Variants in TFB2M observed in about 807,000 individuals in gnomAD.
TFB2M encodes the protein dimethyladenosine transferase 2, mitochondrial.
TFB2M carries 44 observed loss-of-function variants against 41.3 expected under a neutral mutation model. The ratio of observed to expected loss-of-function variants is 1.07; its 90% confidence interval spans 0.84 to 1.37. TFB2M has a LOEUF of 1.37. Among genes scored for constraint, TFB2M ranks in the 40% most tolerant of loss-of-function variants. TFB2M has a pLI of 0.00. For missense variants in TFB2M, 496 were observed against 490.2 expected, an observed-to-expected ratio of 1.01 and a Z score of -0.11; for synonymous variants, 188 against 176.8, an observed-to-expected ratio of 1.06 and a Z score of -0.50.
In TFB2M at chr1:246,545,418, G is replaced by A. The variant is rs576387345; in HGVS notation, c.859-737C>T. Among the ~76,000 whole-genome samples the A allele has an allele frequency of 4.6e-5, 7 of 151,536 alleles. No individual in the cohort carries two copies. In the South Asian group the frequency reaches 1.0e-3, roughly 23 times the overall value. On this transcript the variant is annotated intron_variant, in intron 6 of 7. Transcript: ENST00000366514. ...TGTGTGCCTGTAGTCCCAGCTACTC[G>A]GGAGGCTGAGGTGGGAGGATGGCTT...
At position 246,541,042 on chromosome 1, in the gene TFB2M, C is replaced by G. The variant is rs1302458107; in HGVS notation, c.1180G>C (p.Glu394Gln). 6 of 1,610,826 alleles carry G rather than the reference C, an allele frequency of 3.7e-6. No homozygotes were observed. The highest frequency in any genetic ancestry group is 5.1e-6 in the Non-Finnish European group (6 of 1,178,396). The change falls in exon 8 of 8, where the codon GAA (glutamate) becomes CAA (glutamine). Residue 394 changes from glutamate (E) to glutamine (Q), a missense_variant. Glu to Gln is a conservative substitution (Grantham distance 29, BLOSUM62 2). Coordinates refer to ENST00000366514, the MANE Select transcript of TFB2M (RefSeq NM_022366.3). ...CGACAGTCTAGTTGCTACCTATCTT[C>G]CAGGGTTTCATCATACAGCCATTTA... The part of the protein sequence containing the change: ...AYKWLYDETL[E>Q]DR
At chr1:246,560,848 G>A (rs1659439433) in intron 2 of TFB2M, among the ~76,000 whole-genome samples, 1 of 152,098 alleles carries the variant, frequency 6.6e-6, no homozygotes, top group African/African-American at 2.4e-5. Flanking sequence ...GGTGCAGTGG[G>A]TCAAGCCTGT....
rs551083676 is a variant in TFB2M, at chr1:246,545,004, A to C, written c.859-323T>G. Among the ~76,000 whole-genome samples, 81 of 151,784 alleles carry C rather than the reference A, an allele frequency of 5.3e-4. 1 individual carries two copies. Among genetic ancestry groups the C allele is most frequent in the South Asian group, 2.7e-3 (13 of 4,798 alleles). ...GTATTTTTAGTAGAGATGGGGTTTC[A>C]CCGTGTTAGCCAGGATGGTCTCGAT... On this transcript the variant is annotated intron_variant, in intron 6 of 7. Coordinates refer to ENST00000366514, the MANE Select transcript of TFB2M (RefSeq NM_022366.3).
chr1:246,548,810 A>C (rs1186624359), intron 5 of TFB2M, among the ~76,000 whole-genome samples: 1 of 152,212 alleles, frequency 6.6e-6, no homozygotes, highest in East Asian at 1.9e-4. Flanking sequence ...AGTCTACCCA[A>C]ATACTAGTAC....
At chr1:246,541,283 G>C in intron 7 of TFB2M, 81 bp from the exon 8 acceptor site, 1 of 1,386,096 alleles carries the variant, frequency 7.2e-7, no homozygotes, top group Non-Finnish European at 9.8e-7. Context: ...TGGCTTCTAA[G>C]TTGAATTCAA....
chr1:246,557,749 T>C (rs1659363419), intron 2 of TFB2M, among the ~76,000 whole-genome samples: 1 of 152,146 alleles, frequency 6.6e-6, no homozygotes, highest in Non-Finnish European at 1.5e-5. Flanking sequence ...CTCGGCTCAC[T>C]GCAACCTCTG....
intron 4 of TFB2M, among the ~76,000 whole-genome samples, chr1:246,556,040 C>T (rs1659313137): frequency 6.6e-6 from 1 of 152,162 alleles, no homozygotes. Context: ...ATCAGCATGC[C>T]TTGGCCTCCC....
intron 5 of TFB2M, among the ~76,000 whole-genome samples, chr1:246,550,372 T>C (rs1391332581): frequency 6.6e-6 from 1 of 151,860 alleles, no homozygotes; most frequent in African/African-American, 2.4e-5. Flanking sequence ...GATGAGAGCA[T>C]GACAGACACG....
At chr1:246,546,745 T>G (rs1659030287) in intron 6 of TFB2M, among the ~76,000 whole-genome samples, 1 of 151,892 alleles carries the variant, frequency 6.6e-6, no homozygotes, top group South Asian at 2.1e-4. Context: ...AAAAAGTTAT[T>G]GACTAAAATT....
intron 4 of TFB2M, among the ~76,000 whole-genome samples, chr1:246,553,530 CG>C (rs771484078): frequency 6.6e-6 from 1 of 152,016 alleles, no homozygotes; most frequent in Non-Finnish European, 1.5e-5. Flanking sequence ...CAGCCAGGCA[CG>C]GGGGTGCACG....
At chr1:246,545,026 C>A (rs977394061) in intron 6 of TFB2M, among the ~76,000 whole-genome samples, 121 of 151,150 alleles carry the variant, frequency 8.0e-4, no homozygotes, top group African/African-American at 2.9e-3. Flanking sequence ...AGGATGGTCT[C>A]GATCTCCTGA....
intron 6 of TFB2M, among the ~76,000 whole-genome samples, chr1:246,546,388 C>T (rs3124122): frequency 0.23 from 35,227 of 151,138 alleles, 4,513 homozygotes; most frequent in Middle Eastern, 0.42. Flanking sequence ...CCAAGGTAGG[C>T]GGATCACCTG....
intron 7 of TFB2M, among the ~76,000 whole-genome samples, 178 bp downstream of exon 7, chr1:246,544,343 T>C (rs1658940144): frequency 6.6e-6 from 1 of 152,228 alleles, no homozygotes; most frequent in South Asian, 2.1e-4. Context: ...TGAGAGATTA[T>C]GGGAAAAATA....
chr1:246,547,133 G>A (rs1046332750), intron 6 of TFB2M, among the ~76,000 whole-genome samples: 3 of 151,980 alleles, frequency 2.0e-5, no homozygotes, highest in Non-Finnish European at 2.9e-5. Flanking sequence ...ACAGGCGCAC[G>A]CCACCACACC....
chr1:246,541,868 TA>T (rs1156753065), intron 7 of TFB2M, among the ~76,000 whole-genome samples: 1 of 152,214 alleles, frequency 6.6e-6, no homozygotes, highest in Non-Finnish European at 1.5e-5. Context: ...CCATCATTGG[TA>T]AATACATTAT....
Position 246,540,912 on chromosome 1 carries a change from G to T in TFB2M, c.*119C>A. 2.2e-6 allele frequency: 2 copies of T among 915,188 alleles called. No individual in the cohort carries two copies. Among genetic ancestry groups the T allele is most frequent in the African/African-American group, 1.7e-5 (1 of 59,326 alleles). The allele number at this position is 915,188 out of a possible 1,614,324, so 56.7% of individuals were successfully genotyped here. ...TCAGCTTAGGAGAAATGATCTGCCT[G>T]GCTTGTGCAAGACAAGAACAGTTAC... On this transcript the variant is annotated 3_prime_UTR_variant, in exon 8 of 8. Coordinates refer to ENST00000366514, the MANE Select transcript of TFB2M (RefSeq NM_022366.3).
chr1:246,540,685 C>T lies in TFB2M; in HGVS notation c.*346G>A, dbSNP rs954119314. ...AAGGCAAACCAGTAAATCAGTTTTG[C>T]TTACTTTCTAAGCTTAATAATGTAC... On this transcript the variant is annotated 3_prime_UTR_variant, in exon 8 of 8. Transcript: ENST00000366514. 1.7e-5 allele frequency: 3 copies of T among 180,234 alleles called. No individual in the cohort carries two copies. Among genetic ancestry groups the T allele is most frequent in the Non-Finnish European group, 3.5e-5 (3 of 86,642 alleles). 11.2% of individuals were successfully genotyped at this position (180,234 alleles called of 1,614,324 possible).
chr1:246,551,691 T>C (rs1006991103), intron 4 of TFB2M, among the ~76,000 whole-genome samples: 4 of 144,210 alleles, frequency 2.8e-5, no homozygotes, highest in African/African-American at 9.8e-5. Context: ...CCGCATCTCT[T>C]AAAAAACAAC....
intron 4 of TFB2M, among the ~76,000 whole-genome samples, chr1:246,555,089 A>G (rs941840614): frequency 1.3e-5 from 2 of 152,206 alleles, no homozygotes; most frequent in African/African-American, 2.4e-5. Context: ...ACATAAAAAT[A>G]TATTCAACAT....
Sources: gnomAD v4.1 joint callset for allele counts (sites outside exome capture counted in the v4.1 genomes callset) on GRCh38, gnomAD v4.1.1 for gene constraint, MANE v1.5 for transcripts, NCBI Gene and HGNC (gene_info 2026-07-23, HGNC 2026-07-21) for gene names.